The following KCNN2 variants were observed in gnomAD, a reference collection of about 807,000 sequenced individuals.
The protein encoded by KCNN2 is small conductance calcium-activated potassium channel protein 2.
Under a neutral mutation model 55.5 loss-of-function variants are expected in KCNN2, and 24 were observed. The observed-to-expected ratio is 0.43, with a 90% CI of 0.31 to 0.61. KCNN2 has a LOEUF of 0.61. Among genes scored for constraint, KCNN2 ranks in the 20% least tolerant of loss-of-function variants. The pLI, the probability that KCNN2 is intolerant of heterozygous loss-of-function variation, is 0.08. For synonymous variants in KCNN2, 431 were observed against 336.1 expected (o/e 1.28, Z -3.09); for missense variants, 754 against 853.6 (o/e 0.88, Z 1.45).
intron 1 of KCNN2, among the ~76,000 whole-genome samples, chr5:114,175,689 T>C (rs570021451): frequency 6.6e-6 from 1 of 152,266 alleles, no homozygotes; most frequent in East Asian, 1.9e-4. Flanking sequence ...ATAGACACTT[T>C]GCACAAAAAT....
chr5:114,433,834 G>C (rs1486701770), intron 3 of KCNN2: 1 of 153,800 alleles, frequency 6.5e-6, no homozygotes, highest in Non-Finnish European at 1.4e-5. Context: ...ACAAACTCCA[G>C]ACGGCGCCAC....
intron 1 of KCNN2, among the ~76,000 whole-genome samples, chr5:114,136,431 A>C (rs545350414): frequency 6.6e-6 from 1 of 152,200 alleles, no homozygotes; most frequent in African/African-American, 2.4e-5. Flanking sequence ...CCATGAACCA[A>C]ATAAATTTCT....
intron 3 of KCNN2, among the ~76,000 whole-genome samples, chr5:114,456,872 C>T (rs1168202555): frequency 6.6e-6 from 1 of 152,156 alleles, no homozygotes; most frequent in Admixed American, 6.6e-5. Flanking sequence ...ATCTCATGAT[C>T]AAATTTGAAT....
intron 2 of KCNN2, among the ~76,000 whole-genome samples, chr5:114,224,732 C>T (rs1373679409): frequency 2.0e-5 from 3 of 152,158 alleles, no homozygotes; most frequent in Admixed American, 2.0e-4. Context: ...CAGTCAGCCT[C>T]CCCTTTCTTC....
intron 6 of KCNN2, among the ~76,000 whole-genome samples, chr5:114,492,593 C>T (rs1368565138): frequency 6.6e-6 from 1 of 152,042 alleles, no homozygotes; most frequent in Non-Finnish European, 1.5e-5. Flanking sequence ...AGAGTTCTTA[C>T]CTACAAGTGT....
chr5:114,326,571 C>T (rs1415026127), intron 2 of KCNN2, among the ~76,000 whole-genome samples: 1 of 152,146 alleles, frequency 6.6e-6, no homozygotes, highest in Non-Finnish European at 1.5e-5. Flanking sequence ...CTGCACAATT[C>T]CTCTGAAAGC....
chr5:114,437,967 A>G (rs1472264245), intron 3 of KCNN2, among the ~76,000 whole-genome samples: 3 of 152,190 alleles, frequency 2.0e-5, no homozygotes, highest in Admixed American at 2.0e-4. Context: ...TTCTAGGAGC[A>G]TAATAACATG....
chr5:114,207,905 A>G (rs1753807477), intron 1 of KCNN2, among the ~76,000 whole-genome samples: 1 of 152,196 alleles, frequency 6.6e-6, no homozygotes, highest in Non-Finnish European at 1.5e-5. Context: ...CAATAAAGTA[A>G]AAGTCCCATC....
rs1455246500 is a variant in KCNN2 at position 114,475,776 on chromosome 5, A to G, written c.1890+2612A>G. On this transcript the variant is annotated intron_variant, in intron 5 of 7. Coordinates refer to ENST00000673685, the MANE Select transcript of KCNN2 (RefSeq NM_021614.4). Reference sequence around the variant, plus strand: ...CCCTTTAGAGAACTATGGATCCAGGATCTAGATCTATGGATTTTGGTGACC... The same window carrying G: ...CCCTTTAGAGAACTATGGATCCAGGGTCTAGATCTATGGATTTTGGTGACC... 3.3e-5 allele frequency among the ~76,000 whole-genome samples: 5 copies of G among 152,158 alleles called. No individual in the cohort carries two copies. The East Asian group carries it at 7.8e-4, about 24-fold the overall frequency.
At chr5:114,181,761 A>C (rs866724347) in intron 1 of KCNN2, among the ~76,000 whole-genome samples, 1 of 152,210 alleles carries the variant, frequency 6.6e-6, no homozygotes, top group Non-Finnish European at 1.5e-5. Context: ...TCACGCCTGT[A>C]ATCCCAGCAC....
chr5:114,299,990 T>C (rs995171197), intron 2 of KCNN2, among the ~76,000 whole-genome samples: 4 of 148,432 alleles, frequency 2.7e-5, no homozygotes, highest in Non-Finnish European at 5.9e-5. Context: ...TCTGGGGCTA[T>C]GCCCCAGAAA....
chr5:114,220,039 C>T (rs2112591354), intron 1 of KCNN2, among the ~76,000 whole-genome samples: 1 of 151,880 alleles, frequency 6.6e-6, no homozygotes, highest in African/African-American at 2.4e-5. Flanking sequence ...GTTTACAGAC[C>T]TTAAGAAAAA....
At chr5:114,281,410 C>A (rs1014121188) in intron 2 of KCNN2, among the ~76,000 whole-genome samples, 2 of 152,006 alleles carry the variant, frequency 1.3e-5, no homozygotes, top group African/African-American at 4.8e-5. Context: ...AGAAATCTGG[C>A]AATTATATTA....
chr5:114,397,677 C>T (rs1758661104), intron 2 of KCNN2, among the ~76,000 whole-genome samples: 1 of 152,202 alleles, frequency 6.6e-6, no homozygotes, highest in Admixed American at 6.5e-5. Flanking sequence ...CGTGAGCTAC[C>T]ATGCCTGGCC....
intron 1 of KCNN2, among the ~76,000 whole-genome samples, chr5:114,061,328 T>A (rs986687813): frequency 2.6e-5 from 4 of 152,220 alleles, no homozygotes; most frequent in Admixed American, 6.5e-5. Context: ...GTGAATATAG[T>A]AATATGGTGG....
intron 3 of KCNN2, among the ~76,000 whole-genome samples, chr5:114,449,042 G>A (rs1760535597): frequency 6.6e-6 from 1 of 152,184 alleles, no homozygotes; most frequent in African/African-American, 2.4e-5. Context: ...GTTGGTAGGA[G>A]AGGCAGCTGA....
At chr5:114,433,188 G>T (rs573109623) in intron 3 of KCNN2, among the ~76,000 whole-genome samples, 94 of 152,272 alleles carry the variant, frequency 6.2e-4, no homozygotes, top group Non-Finnish European at 1.2e-3. Context: ...CTAGCCCAGG[G>T]ATTGTAAATA....
At chr5:114,113,520 CAAA>C (rs948404123) in intron 1 of KCNN2, among the ~76,000 whole-genome samples, 1 of 151,840 alleles carries the variant, frequency 6.6e-6, no homozygotes, top group Non-Finnish European at 1.5e-5. Context: ...GGAGAAAAGG[CAAA>C]AAAATTTTAT....
intron 2 of KCNN2, among the ~76,000 whole-genome samples, chr5:114,384,803 T>A (rs1013148226): frequency 6.6e-6 from 1 of 152,078 alleles, no homozygotes; most frequent in African/African-American, 2.4e-5. Flanking sequence ...AGGGACCGGA[T>A]TGATTCATCC....
Sources: gnomAD v4.1 joint callset for allele counts (sites outside exome capture counted in the v4.1 genomes callset) on GRCh38, gnomAD v4.1.1 for gene constraint, MANE v1.5 for transcripts, NCBI Gene and HGNC (gene_info 2026-07-23, HGNC 2026-07-21) for gene names.